LYST: variants seen among roughly 807,000 people sequenced by gnomAD.
The protein encoded by LYST is lysosomal trafficking regulator, also known as lysosomal-trafficking regulator.
LYST carries 192 observed loss-of-function variants against 413.6 expected under a neutral mutation model. The observed-to-expected ratio is 0.46, with a 90% CI of 0.41 to 0.52. LYST has a LOEUF of 0.52. LYST is among the 20% of genes least tolerant of loss of function. The probability of loss-of-function intolerance (pLI) is 0.00; values close to 1 mark genes in which losing one functional copy is unlikely to be tolerated. For synonymous variants in LYST, 1,525 were observed against 1,567.3 expected, an observed-to-expected ratio of 0.97 and a Z score of 0.64; for missense variants, 3,815 against 4,499.9, an observed-to-expected ratio of 0.85 and a Z score of 4.35.
At position 235,744,186 on chromosome 1, in the gene LYST, T is replaced by TA. The variant is rs774316136; in HGVS notation, c.7973-30dup. On this transcript the variant is annotated intron_variant, in intron 29 of 52. Transcript: ENST00000389793. Reference sequence around the variant, plus strand: ...TGAATTGAAAAAAAGAATACAAAATTAGTCATATCACTGCTATCTTGCCAT... The same window carrying TA: ...TGAATTGAAAAAAAGAATACAAAATTAAGTCATATCACTGCTATCTTGCCAT... The TA allele has an allele frequency of 2.5e-6, 3 of 1,214,732 alleles. No individual in the cohort carries two copies. In the African/African-American group the frequency reaches 4.5e-5, roughly 18 times the overall value. The allele number at this position is 1,214,732 out of a possible 1,614,324, so 75.2% of individuals were successfully genotyped here.
At chr1:235,751,418 T>C (rs1367073651) in intron 27 of LYST, 56 bp from the exon 28 acceptor site, 1 of 1,417,328 alleles carries the variant, frequency 7.1e-7, no homozygotes, top group African/African-American at 1.4e-5. Flanking sequence ...AATTTTTTAA[T>C]TGAACTGATT....
Position 235,854,692 on chromosome 1 carries a change from A to G in LYST, c.-98+12151T>C, listed in dbSNP as rs946635417. Among the ~76,000 whole-genome samples the G allele has an allele frequency of 3.9e-5, 6 of 152,226 alleles. No individual in the cohort carries two copies. The highest frequency in any genetic ancestry group is 1.2e-4 in the African/African-American group (5 of 41,448). ...ATAATTCATGTAAAATGCATAGCAC[A>G]GTGCCTGGCAGATTGCAGGAAAATC... On this transcript the variant is annotated intron_variant, in intron 1 of 52. Transcript: ENST00000389793. This position sits in a 1 kb window ranked among gnomAD's most constrained non-coding sequence, Gnocchi z 4.1.
intron 42 of LYST, among the ~76,000 whole-genome samples, chr1:235,713,768 G>C (rs1662602213): frequency 1.3e-5 from 2 of 152,276 alleles, no homozygotes; most frequent in Non-Finnish European, 1.5e-5. Flanking sequence ...TTAAACCAAA[G>C]CCAAGAAATA....
chr1:235,729,762 T>G, intron 36 of LYST, 105 bp from the exon 37 acceptor site: 1 of 796,714 alleles, frequency 1.3e-6, no homozygotes, highest in Non-Finnish European at 2.2e-6. Flanking sequence ...GCAGACTAGA[T>G]AGAGTTCCAA....
Position 235,755,783 on chromosome 1 carries a change from C to T in LYST, c.7060-136G>A. On this transcript the variant is annotated intron_variant, in intron 24 of 52. Transcript: ENST00000389793. ...ACACAGAAAGCTTAAAAAAATGCCA[C>T]CACCACAGCAAAGCAGAAATGAATT... 5.2e-6 allele frequency: 3 copies of T among 577,030 alleles called. No homozygotes were observed. In the South Asian group the frequency reaches 6.8e-5, roughly 13 times the overall value. 35.7% of individuals were successfully genotyped at this position (577,030 alleles called of 1,614,324 possible).
At chr1:235,813,665 C>T (rs1673728567) in intron 3 of LYST, among the ~76,000 whole-genome samples, 1 of 152,062 alleles carries the variant, frequency 6.6e-6, no homozygotes, top group African/African-American at 2.4e-5. Flanking sequence ...AAAATACATA[C>T]ACATAAACAG....
At chr1:235,828,263 T>G (rs1039417110) in intron 3 of LYST, 1 of 545,362 alleles carries the variant, frequency 1.8e-6, no homozygotes, top group Non-Finnish European at 2.3e-6. Flanking sequence ...TGCTTAGGGG[T>G]AGGGGAATGG....
At chr1:235,691,699 C>CTTTT (rs1161712139) in intron 47 of LYST, among the ~76,000 whole-genome samples, 6,933 of 141,896 alleles carry the variant, frequency 0.049, 640 homozygotes, top group African/African-American at 0.17. Context: ...CAGATTCTCT[C>CTTTT]TTTTTTTTTT....
At chr1:235,763,559 T>C (rs1259109180) in intron 21 of LYST, among the ~76,000 whole-genome samples, 2 of 152,174 alleles carry the variant, frequency 1.3e-5, no homozygotes, top group Admixed American at 1.3e-4. Context: ...CAAGCAATTC[T>C]CATGCCTCAG....
rs200294024 is a variant in LYST, at chr1:235,766,185, A to G, written c.6015T>C (p.Asp2005=). The G allele has an allele frequency of 6.2e-7, 1 of 1,613,512 alleles. No individual in the cohort carries two copies. The highest frequency in any genetic ancestry group is 1.3e-5 in the African/African-American group (1 of 75,026). Residue 2005 remains aspartate, a synonymous_variant, in exon 21 of 53, where the codon GAT becomes GAC. Coordinates refer to ENST00000389793, the MANE Select transcript of LYST (RefSeq NM_000081.4). The part of the protein sequence containing the change: ...IIAEVLGSPP[D]LELLTIIFNF... Reference sequence around the variant, plus strand: ...TGAAGATAATTGTCAATAATTCCAAATCTGGAGGAGATCCAAGGACTTCTG... The same window carrying G: ...TGAAGATAATTGTCAATAATTCCAAGTCTGGAGGAGATCCAAGGACTTCTG...
chr1:235,697,112 C>T lies in LYST; in HGVS notation c.10535G>A (p.Cys3512Tyr). The change falls in exon 46 of 53, where the codon TGT becomes TAT. Residue 3512 changes from cysteine to tyrosine, a missense_variant. Cys to Tyr is a radical substitution (Grantham distance 194). Coordinates refer to ENST00000389793, the MANE Select transcript of LYST (RefSeq NM_000081.4). ...TTCCTTGCTATATGTCATCAGAAGA[C>T]AGAAATTCCGTGACAAACCACAGAT... Reference protein sequence around the residue: ...RAICGLSRNFCLLMTYSKEQG... With the variant: ...RAICGLSRNFYLLMTYSKEQG... The T allele has an allele frequency of 6.2e-7, 1 of 1,614,174 alleles. No homozygotes were observed. The highest frequency in any genetic ancestry group is 8.5e-7 in the Non-Finnish European group (1 of 1,180,022).
At chr1:235,858,067 T>G (rs369670504) in intron 1 of LYST, among the ~76,000 whole-genome samples, 1 of 152,182 alleles carries the variant, frequency 6.6e-6, no homozygotes, top group Admixed American at 6.5e-5. Flanking sequence ...CTATATATTC[T>G]GGGGACTTCA....
chr1:235,672,938 C>A (rs1659067267), intron 50 of LYST, among the ~76,000 whole-genome samples: 1 of 152,188 alleles, frequency 6.6e-6, no homozygotes, highest in African/African-American at 2.4e-5. Context: ...AGACTCAAAG[C>A]CTCCTAGCAC....
intron 1 of LYST, among the ~76,000 whole-genome samples, chr1:235,843,948 A>G (rs557560870): frequency 7.2e-5 from 11 of 152,334 alleles, no homozygotes; most frequent in East Asian, 5.8e-4. Context: ...ATTCAATAGT[A>G]TTAGAGAAGT....
chr1:235,828,029 A>G lies in LYST; in HGVS notation c.192+2197T>C, dbSNP rs573789550. 4.5e-6 allele frequency: 2 copies of G among 446,554 alleles called. 1 individual carries two copies. The highest frequency in any genetic ancestry group is 1.3e-4 in the Admixed American group (2 of 15,602). The allele number at this position is 446,554 out of a possible 1,614,324, so 27.7% of individuals were successfully genotyped here. On this transcript the variant is annotated intron_variant, in intron 3 of 52. Transcript: ENST00000389793. ...ATAAGCAAATGAAAAAATGCTCAAC[A>G]TCATTAGTTGTTAGAGGAATGTGAA...
chr1:235,663,927 A>G, intron 52 of LYST, 57 bp downstream of exon 52: 2 of 1,400,972 alleles, frequency 1.4e-6, no homozygotes, highest in South Asian at 2.3e-5. Context: ...ATACCTCTCT[A>G]CGAAAAATAC....
intron 10 of LYST, among the ~76,000 whole-genome samples, chr1:235,799,728 G>A (rs1293906574): frequency 6.6e-6 from 1 of 151,846 alleles, no homozygotes; most frequent in African/African-American, 2.4e-5. Context: ...CAACAACATG[G>A]CATTAGACTG....
intron 2 of LYST, 149 bp from the exon 3 acceptor site, chr1:235,830,573 T>C (rs1675865043): frequency 4.5e-6 from 3 of 672,180 alleles, no homozygotes; most frequent in Non-Finnish European, 7.5e-6. Context: ...TTTTCAGGCA[T>C]AGTTCTGACC....
chr1:235,734,015 A>T, intron 32 of LYST, 109 bp from the exon 33 acceptor site: 1 of 599,642 alleles, frequency 1.7e-6, no homozygotes, highest in Non-Finnish European at 2.9e-6. Flanking sequence ...AAGGAAAAAC[A>T]ATTGTCCCTA....
Sources: gnomAD v4.1 joint callset for allele counts (sites outside exome capture counted in the v4.1 genomes callset) on GRCh38, gnomAD v4.1.1 for gene constraint, Gnocchi (gnomAD v3.1) non-coding constraint, MANE v1.5 for transcripts, NCBI Gene and HGNC (gene_info 2026-07-23, HGNC 2026-07-21) for gene names.